ZNF141: variants seen among roughly 807,000 people sequenced by gnomAD.
The protein encoded by ZNF141 is zinc finger protein 141.
A neutral mutation model predicts 11.3 loss-of-function variants in ZNF141; 7 were observed. That is an observed-to-expected ratio of 0.62 (90% CI 0.35 to 1.16). The LOEUF (loss-of-function observed/expected upper bound fraction) is 1.16. Among genes scored for constraint, ZNF141 ranks in the 50% most tolerant of loss-of-function variants. The pLI, the probability that ZNF141 is intolerant of heterozygous loss-of-function variation, is 0.02. For synonymous variants in ZNF141, 183 were observed against 190.7 expected, an observed-to-expected ratio of 0.96 and a Z score of 0.33; for missense variants, 535 against 554.0, an observed-to-expected ratio of 0.97 and a Z score of 0.34.
rs782569652 is a variant in ZNF141 at position 378,605 on chromosome 4, G to A, written c.*4743G>A. Among the ~76,000 whole-genome samples the A allele has an allele frequency of 3.9e-5, 6 of 152,034 alleles. No individual in the cohort carries two copies. Among genetic ancestry groups the A allele is most frequent in the Admixed American group, 6.6e-5 (1 of 15,246 alleles). ...CTTTGAGTGTGAATGTTAAATGGTGGAAAAACAATAGAATGATCTCTGTAG... is the reference window on the plus strand; with the variant it reads ...CTTTGAGTGTGAATGTTAAATGGTGAAAAAACAATAGAATGATCTCTGTAG... On this transcript the variant is annotated 3_prime_UTR_variant, in exon 4 of 4. Coordinates refer to ENST00000240499, the MANE Select transcript of ZNF141 (RefSeq NM_003441.4).
At chr4:363,544 C>G (rs1342602635) in intron 3 of ZNF141, among the ~76,000 whole-genome samples, 1 of 152,178 alleles carries the variant, frequency 6.6e-6, no homozygotes, top group Admixed American at 6.5e-5. Flanking sequence ...ATCATGAGGT[C>G]AGGAGATGGA....
chr4:355,668 G>C (rs1721806527), intron 3 of ZNF141, among the ~76,000 whole-genome samples: 1 of 152,070 alleles, frequency 6.6e-6, no homozygotes, highest in Admixed American at 6.6e-5. Flanking sequence ...GCATATTGTT[G>C]ATTTTTAAAA....
intron 3 of ZNF141, among the ~76,000 whole-genome samples, chr4:348,888 G>A (rs1553850029): frequency 4.6e-5 from 7 of 150,724 alleles, no homozygotes. Flanking sequence ...GGATCACATT[G>A]AATCTATAGA....
chr4:346,893 A>ACCCCCCCC lies in ZNF141; in HGVS notation c.226+2465_226+2466insCCCCCCCC, dbSNP rs781896435. Among the ~76,000 whole-genome samples the ACCCCCCCC allele has an allele frequency of 2.4e-4, 33 of 135,450 alleles. 3 individuals carry two copies. Among genetic ancestry groups the ACCCCCCCC allele is most frequent in the African/African-American group, 8.6e-4 (27 of 31,350 alleles). 88.9% of individuals were successfully genotyped at this position (135,450 alleles called of 152,430 possible). ...TATATATGTATACACACACACACAC[A>ACCCCCCCC]CCGCCCCCCCCATATATTGGCTACT... On this transcript the variant is annotated intron_variant, in intron 3 of 3. Transcript: ENST00000240499.
At chr4:351,365 C>T (rs1271084409) in intron 3 of ZNF141, among the ~76,000 whole-genome samples, 13 of 151,940 alleles carry the variant, frequency 8.6e-5, no homozygotes, top group Admixed American at 7.9e-4. Context: ...TCCCGAGTAG[C>T]TGGGACTACA....
chr4:373,843 A>T lies in ZNF141; in HGVS notation c.1406A>T (p.His469Leu). Residue 469 changes from histidine to leucine, a missense_variant, in exon 4 of 4, where the codon CAT becomes CTT. Transcript: ENST00000240499. ...AFKRFSHLNK[H>L]KKIHT ...AAACGGTTCTCACACCTGAATAAACATAAGAAAATTCATACTTGAGAGAAA... is the reference window on the plus strand; with the variant it reads ...AAACGGTTCTCACACCTGAATAAACTTAAGAAAATTCATACTTGAGAGAAA... The T allele has an allele frequency of 6.2e-7, 1 of 1,603,634 alleles. No individual in the cohort carries two copies. Among genetic ancestry groups the T allele is most frequent in the Non-Finnish European group, 8.5e-7 (1 of 1,175,046 alleles).
chr4:338,229 T>A (rs1313592188), intron 1 of ZNF141: 7 of 477,780 alleles, frequency 1.5e-5, no homozygotes, highest in Non-Finnish European at 2.3e-5. Context: ...GGCTGTGGGG[T>A]GAGGAGTAGC....
At chr4:370,410 G>A (rs1284941963) in intron 3 of ZNF141, among the ~76,000 whole-genome samples, 5 of 151,924 alleles carry the variant, frequency 3.3e-5, no homozygotes, top group African/African-American at 4.8e-5. Context: ...TAAGGCAGGT[G>A]TTGTGCTAAT....
In ZNF141 at chr4:373,906, A is replaced by G. The variant is rs1712225589; in HGVS notation, c.*44A>G. 1.3e-6 allele frequency: 2 copies of G among 1,504,450 alleles called. No homozygotes were observed. The highest frequency in any genetic ancestry group is 1.8e-6 in the Non-Finnish European group (2 of 1,104,486). The allele number at this position is 1,504,450 out of a possible 1,614,324, so 93.2% of individuals were successfully genotyped here. A position where few individuals can be genotyped will look rare whatever the true frequency, so the allele number is the denominator to read the frequency against. On this transcript the variant is annotated 3_prime_UTR_variant, in exon 4 of 4. Coordinates refer to ENST00000240499, the MANE Select transcript of ZNF141 (RefSeq NM_003441.4). ...AAAGAATGTGGCAAACCTTTGGATG[A>G]TCCACAAACCTTAATGAACATGAGA...
chr4:343,724 CAAA>C (rs35268031), intron 1 of ZNF141, 55 bp from the exon 2 acceptor site: 12,089 of 861,060 alleles, frequency 0.014, no homozygotes, highest in South Asian at 0.021. Context: ...GACTCCGTCT[CAAA>C]AAAAAAAAAA....
Position 338,167 on chromosome 4 carries a change from G to A in ZNF141, c.3+181G>A, listed in dbSNP as rs1391476514. On this transcript the variant is annotated intron_variant, in intron 1 of 3. Transcript: ENST00000240499. ...GTCCCCGCACAGCGGCTCTGGCCCA[G>A]CCTGCAGCCCTCCTTGTGCAGCTCT... 1.5e-5 allele frequency: 10 copies of A among 685,082 alleles called. No homozygotes were observed. In the African/African-American group the frequency reaches 1.5e-4, roughly 10 times the overall value. 42.4% of individuals were successfully genotyped at this position (685,082 alleles called of 1,614,324 possible). A position where few individuals can be genotyped will look rare whatever the true frequency, so the allele number is the denominator to read the frequency against.
chr4:373,501 A>G lies in ZNF141; in HGVS notation c.1064A>G (p.Asn355Ser), dbSNP rs61733102. The part of the protein sequence containing the change: ...GKAFRQSSKL[N>S]EHKKVHTGER... ...GCTTTTAGACAGTCCTCAAAACTGA[A>G]TGAACATAAGAAAGTTCATACTGGA... The change falls in exon 4 of 4, where the codon AAT becomes AGT. Residue 355 changes from asparagine (N) to serine (S), a missense_variant. Physicochemically the swap from Asn to Ser is conservative, Grantham distance 46 (BLOSUM62 1). Transcript: ENST00000240499. 598 of 1,613,504 alleles carry G rather than the reference A, an allele frequency of 3.7e-4. 1 individual carries two copies. The African/African-American group carries it at 7.1e-3, about 19-fold the overall frequency.
At chr4:340,323 A>G (rs1720987230) in intron 1 of ZNF141, among the ~76,000 whole-genome samples, 2 of 152,214 alleles carry the variant, frequency 1.3e-5, no homozygotes, top group South Asian at 4.1e-4. Flanking sequence ...TGATCTCTCT[A>G]TTTGGGATCT....
At chr4:359,229 A>G (rs549558989) in intron 3 of ZNF141, among the ~76,000 whole-genome samples, 1 of 152,186 alleles carries the variant, frequency 6.6e-6, no homozygotes, top group South Asian at 2.1e-4. Context: ...AGCATCAGAC[A>G]GTTGAGGATT....
intron 3 of ZNF141, among the ~76,000 whole-genome samples, chr4:353,588 G>C (rs1195180582): frequency 6.6e-6 from 1 of 151,312 alleles, no homozygotes; most frequent in East Asian, 2.0e-4. Flanking sequence ...AGCCTCTCAA[G>C]TAGCTGGGAC....
rs543135422 is a variant in ZNF141, at chr4:376,286, C to T, written c.*2424C>T. On this transcript the variant is annotated 3_prime_UTR_variant, in exon 4 of 4. Coordinates refer to ENST00000240499, the MANE Select transcript of ZNF141 (RefSeq NM_003441.4). ...CAAATACATTGAAGAATATCATTCCCATATGTTGTATTTTCACTCTTGTTA... is the reference window on the plus strand; with the variant it reads ...CAAATACATTGAAGAATATCATTCCTATATGTTGTATTTTCACTCTTGTTA... Among the ~76,000 whole-genome samples the T allele has an allele frequency of 1.3e-5, 2 of 151,992 alleles. No individual in the cohort carries two copies. Among genetic ancestry groups the T allele is most frequent in the South Asian group, 2.1e-4 (1 of 4,822 alleles).
chr4:365,764 TA>T (rs1711714572), intron 3 of ZNF141, among the ~76,000 whole-genome samples: 1 of 152,258 alleles, frequency 6.6e-6, no homozygotes, highest in Admixed American at 6.5e-5. Context: ...AATAGCTTTA[TA>T]GGTTTGGGTT....
At chr4:349,243 G>A (rs1332300897) in intron 3 of ZNF141, among the ~76,000 whole-genome samples, 1 of 151,646 alleles carries the variant, frequency 6.6e-6, no homozygotes, top group African/African-American at 2.4e-5. Context: ...AGATAAGCCT[G>A]GGCAATAGAG....
intron 3 of ZNF141, among the ~76,000 whole-genome samples, chr4:351,423 C>T (rs782102755): frequency 1.5e-4 from 23 of 151,754 alleles, no homozygotes; most frequent in East Asian, 1.4e-3. Context: ...TTAGTAGGGG[C>T]GGGGTTTTAC....
Sources: gnomAD v4.1 joint callset for allele counts (sites outside exome capture counted in the v4.1 genomes callset) on GRCh38, gnomAD v4.1.1 for gene constraint, MANE v1.5 for transcripts, NCBI Gene and HGNC (gene_info 2026-07-23, HGNC 2026-07-21) for gene names.